Variants in CALN1 observed in about 807,000 individuals in gnomAD.
CALN1 encodes the protein calneuron 1.
Under a neutral mutation model 30.6 loss-of-function variants are expected in CALN1, and 17 were observed. That is an observed-to-expected ratio of 0.56 (90% CI 0.38 to 0.83). The LOEUF is 0.83. Among genes scored for constraint, CALN1 ranks in the 40% least tolerant of loss-of-function variants. The pLI, the probability that CALN1 is intolerant of heterozygous loss-of-function variation, is 0.00. For missense variants in CALN1, 291 were observed against 354.9 expected, an observed-to-expected ratio of 0.82 and a Z score of 1.45; for synonymous variants, 156 against 131.4, an observed-to-expected ratio of 1.19 and a Z score of -1.28.
At chr7:72,014,464 TA>T (rs1446346641) in intron 5 of CALN1, among the ~76,000 whole-genome samples, 1 of 152,178 alleles carries the variant, frequency 6.6e-6, no homozygotes, top group Non-Finnish European at 1.5e-5. Context: ...AGATAACTGT[TA>T]ACCAATCCCT....
rs1366544011 is a variant in CALN1, at chr7:72,408,364, G to C, written c.-74+3694C>G. Among the ~76,000 whole-genome samples, 2 of 151,648 alleles carry C rather than the reference G, an allele frequency of 1.3e-5. 1 individual carries two copies. The highest frequency in any genetic ancestry group is 1.3e-4 in the Admixed American group (2 of 15,224). ...GGTAAGGCATGAAAGAGAATCACTT[G>C]AACCCGGGAGGTGGAGGTTGCAGTG... On this transcript the variant is annotated intron_variant, in intron 1 of 6. Transcript: ENST00000395275.
intron 4 of CALN1, chr7:72,103,362 G>A: frequency 6.1e-6 from 1 of 163,164 alleles, no homozygotes; most frequent in East Asian, 1.6e-4. Context: ...CAGGTGTGAG[G>A]TACAGCAGAG....
intron 2 of CALN1, among the ~76,000 whole-genome samples, chr7:72,393,442 A>G (rs1805710298): frequency 6.6e-6 from 1 of 152,074 alleles, no homozygotes; most frequent in Admixed American, 6.6e-5. Flanking sequence ...CCAGACTGGG[A>G]GAGAGAGCAA....
At chr7:72,027,580 G>A (rs932769467) in intron 4 of CALN1, among the ~76,000 whole-genome samples, 4 of 151,886 alleles carry the variant, frequency 2.6e-5, no homozygotes, top group African/African-American at 4.8e-5. Context: ...GTGTGGTGGC[G>A]GGCACCTGTA....
At chr7:72,330,309 G>A (rs1434574670) in intron 2 of CALN1, among the ~76,000 whole-genome samples, 2 of 151,018 alleles carry the variant, frequency 1.3e-5, no homozygotes, top group Non-Finnish European at 3.0e-5. Context: ...TAAGAATAAT[G>A]ACACAAAAAT....
intron 4 of CALN1, among the ~76,000 whole-genome samples, chr7:72,081,828 G>T (rs755309122): frequency 1.3e-5 from 2 of 152,092 alleles, no homozygotes; most frequent in Non-Finnish European, 2.9e-5. Context: ...TGCTGAGCCT[G>T]ATTTATCTTT....
intron 4 of CALN1, among the ~76,000 whole-genome samples, chr7:72,077,579 C>T (rs1467482972): frequency 6.6e-6 from 1 of 152,062 alleles, no homozygotes; most frequent in African/African-American, 2.4e-5. Flanking sequence ...CAGCTCTTTT[C>T]TCTCTTTTTT....
intron 2 of CALN1, among the ~76,000 whole-genome samples, chr7:72,285,202 C>T (rs1267216564): frequency 6.6e-6 from 1 of 152,086 alleles, no homozygotes; most frequent in African/African-American, 2.4e-5. Flanking sequence ...TATATTTTTG[C>T]TTCTTTTATT....
chr7:72,085,064 A>C (rs1184176222), intron 4 of CALN1, among the ~76,000 whole-genome samples: 1 of 152,190 alleles, frequency 6.6e-6, no homozygotes, highest in Non-Finnish European at 1.5e-5. Flanking sequence ...GACCAGGATC[A>C]CCGAAGCACA....
chr7:72,112,617 AAAGAGAT>A (rs560662489), intron 3 of CALN1, among the ~76,000 whole-genome samples: 231 of 152,334 alleles, frequency 1.5e-3, no homozygotes, highest in Non-Finnish European at 2.5e-3. Context: ...AGCCTATGAC[AAAGAGAT>A]TTAGAAAGGT....
the CALN1 span, among the ~76,000 whole-genome samples, chr7:72,482,659 G>A: frequency 3.3e-5 from 5 of 151,884 alleles, no homozygotes; most frequent in Non-Finnish European, 7.4e-5. Context: ...GACTATTGTT[G>A]TCATATACTT....
chr7:72,217,085 C>A (rs1042743391), intron 3 of CALN1, among the ~76,000 whole-genome samples: 1 of 152,110 alleles, frequency 6.6e-6, no homozygotes, highest in Non-Finnish European at 1.5e-5. Context: ...TGTTAAGAGG[C>A]AATAGAGAAA....
chr7:72,208,229 T>A (rs78939980), intron 3 of CALN1, among the ~76,000 whole-genome samples: 5,791 of 152,270 alleles, frequency 0.038, 346 homozygotes, highest in African/African-American at 0.13. Context: ...TTTTAATAAG[T>A]CACCTGGTTT....
In CALN1 at chr7:72,159,935, C is replaced by A. The variant is rs150773848; in HGVS notation, c.245-53641G>T. ...TGTGACCAGCAGCCCAACAGACAGA[C>A]CATTAATCACTGTGTCAGGGAACAC... On this transcript the variant is annotated intron_variant, in intron 3 of 6. Transcript: ENST00000395275. 2.0e-3 allele frequency among the ~76,000 whole-genome samples: 301 copies of A among 152,268 alleles called. 1 individual carries two copies. Among genetic ancestry groups the A allele is most frequent in the African/African-American group, 7.0e-3 (289 of 41,542 alleles).
At chr7:72,229,099 G>A (rs1033167010) in intron 3 of CALN1, among the ~76,000 whole-genome samples, 4 of 151,704 alleles carry the variant, frequency 2.6e-5, no homozygotes, top group Non-Finnish European at 4.4e-5. Context: ...CAGCACTAAA[G>A]ATACAATCAG....
chr7:71,865,956 C>T (rs569674728), intron 5 of CALN1, among the ~76,000 whole-genome samples: 9 of 151,930 alleles, frequency 5.9e-5, no homozygotes, highest in African/African-American at 1.2e-4. Flanking sequence ...CAAAAGTATA[C>T]GAATAGCAGC....
At chr7:72,401,555 G>A (rs1806345358) in intron 2 of CALN1, among the ~76,000 whole-genome samples, 1 of 152,096 alleles carries the variant, frequency 6.6e-6, no homozygotes, top group African/African-American at 2.4e-5. Flanking sequence ...AGGGTCTAAA[G>A]GGAGTTCATG....
chr7:72,129,365 T>C (rs1343605053), intron 3 of CALN1, among the ~76,000 whole-genome samples: 7 of 152,154 alleles, frequency 4.6e-5, no homozygotes. Flanking sequence ...ATTCCACCTC[T>C]AGAAATGTAT....
At chr7:71,796,509 G>A (rs541308285) in intron 6 of CALN1, among the ~76,000 whole-genome samples, 4 of 151,800 alleles carry the variant, frequency 2.6e-5, no homozygotes, top group East Asian at 2.0e-4. Flanking sequence ...ACAGGCTCCC[G>A]CCACCACGCC....
Sources: gnomAD v4.1 joint callset for allele counts (sites outside exome capture counted in the v4.1 genomes callset) on GRCh38, gnomAD v4.1.1 for gene constraint, MANE v1.5 for transcripts, NCBI Gene and HGNC (gene_info 2026-07-23, HGNC 2026-07-21) for gene names.